The following TSHZ2 variants were observed in gnomAD, a reference collection of about 807,000 sequenced individuals.
TSHZ2 encodes teashirt zinc finger homeobox 2.
Under a neutral mutation model 74.4 loss-of-function variants are expected in TSHZ2, and 21 were observed. That is an observed-to-expected ratio of 0.28 (90% CI 0.20 to 0.41). The LOEUF is 0.41. Ranked by LOEUF, TSHZ2 falls within the 10% of genes least tolerant of loss-of-function variation. TSHZ2 has a pLI of 1.00. For synonymous variants in TSHZ2, 540 were observed against 515.3 expected (o/e 1.05, Z -0.65); for missense variants, 1,244 against 1,293.5 (o/e 0.96, Z 0.59).
chr20:53,155,158 G>A (rs979096779), intron 1 of TSHZ2, among the ~76,000 whole-genome samples: 1 of 150,504 alleles, frequency 6.6e-6, no homozygotes, highest in Admixed American at 6.7e-5. Flanking sequence ...TGCGTGGGTA[G>A]CTCACCTGTG....
chr20:53,350,977 A>G (rs1980624070), intron 2 of TSHZ2, among the ~76,000 whole-genome samples: 2 of 152,342 alleles, frequency 1.3e-5, no homozygotes, highest in South Asian at 2.1e-4. Flanking sequence ...GCATTCAGGG[A>G]ACAAAGCTTT....
At chr20:53,481,052 A>G (rs1398509145) in intron 2 of TSHZ2, among the ~76,000 whole-genome samples, 1 of 149,794 alleles carries the variant, frequency 6.7e-6, no homozygotes, top group Admixed American at 6.7e-5. Context: ...AGAAAAAAAA[A>G]TGCAGCAGCA....
intron 1 of TSHZ2, chr20:53,196,304 C>G (rs1988864062): frequency 7.2e-6 from 1 of 139,678 alleles, no homozygotes; most frequent in Admixed American, 8.0e-5. Flanking sequence ...AATAATTGTA[C>G]ATTTCTGCAA....
chr20:53,347,957 C>T (rs895598520), intron 2 of TSHZ2, among the ~76,000 whole-genome samples: 1 of 152,110 alleles, frequency 6.6e-6, no homozygotes, highest in Non-Finnish European at 1.5e-5. Flanking sequence ...AACTCCCATA[C>T]CCGTAACGTG....
rs1441510323 is a variant in TSHZ2, at chr20:53,273,870, G to A, written c.*8+17299G>A. Among the ~76,000 whole-genome samples, 9 of 152,276 alleles carry A rather than the reference G, an allele frequency of 5.9e-5. 1 individual carries two copies. In the South Asian group the frequency reaches 8.3e-4, roughly 14 times the overall value. ...TCTCAGCTTCACACTGTGGGGCCCC[G>A]GGTGGGCTCTAGAGGACCAGGATAC... On this transcript the variant is annotated intron_variant, in intron 2 of 2. Coordinates refer to ENST00000371497, the MANE Select transcript of TSHZ2 (RefSeq NM_173485.6).
chr20:53,081,643 T>A (rs1039046887), intron 1 of TSHZ2, among the ~76,000 whole-genome samples: 1 of 152,216 alleles, frequency 6.6e-6, no homozygotes, highest in African/African-American at 2.4e-5. Context: ...TTTATTAAGG[T>A]AAAATACTTA....
intron 1 of TSHZ2, among the ~76,000 whole-genome samples, chr20:53,151,594 C>T (rs531835681): frequency 6.6e-6 from 1 of 152,144 alleles, no homozygotes; most frequent in East Asian, 1.9e-4. Context: ...ATTAGGATTA[C>T]TAAATGAGAT....
Position 53,490,995 on chromosome 20 carries a change from G to A in TSHZ2, c.*3860G>A, listed in dbSNP as rs1986431419. On this transcript the variant is annotated 3_prime_UTR_variant, in exon 3 of 3. Coordinates refer to ENST00000371497, the MANE Select transcript of TSHZ2 (RefSeq NM_173485.6). Reference sequence around the variant, plus strand: ...CCATCTGTCACTTCTCAGGTTATTTGACTGTGTTCAAACCTTCTTTTCTTT... The same window carrying A: ...CCATCTGTCACTTCTCAGGTTATTTAACTGTGTTCAAACCTTCTTTTCTTT... 6.6e-6 allele frequency: 1 copy of A among 151,140 alleles called. No homozygotes were observed. The highest frequency in any genetic ancestry group is 2.1e-4 in the South Asian group (1 of 4,810). 9.4% of individuals were successfully genotyped at this position (151,140 alleles called of 1,614,324 possible).
chr20:53,278,062 G>C (rs566317869), intron 2 of TSHZ2, among the ~76,000 whole-genome samples: 4 of 152,126 alleles, frequency 2.6e-5, no homozygotes, highest in Non-Finnish European at 4.4e-5. Flanking sequence ...ACAATGAGAA[G>C]AGCTACCATT....
At chr20:53,063,663 T>G (rs988675) in intron 1 of TSHZ2, among the ~76,000 whole-genome samples, 113,930 of 152,188 alleles carry the variant, frequency 0.75, 43,573 homozygotes, top group East Asian at 0.97. Flanking sequence ...GTGTGTTTGC[T>G]TGCATGCATA....
In TSHZ2 at chr20:53,029,502, C is replaced by A. The variant is rs1353739560; in HGVS notation, c.40+56169C>A. Reference sequence around the variant, plus strand: ...ACCAGCATGGCCAACATGGTGAAACCCCGTCTCAACTAAAAATACAACAAT... The same window carrying A: ...ACCAGCATGGCCAACATGGTGAAACACCGTCTCAACTAAAAATACAACAAT... On this transcript the variant is annotated intron_variant, in intron 1 of 2. Transcript: ENST00000371497. 2.6e-5 allele frequency among the ~76,000 whole-genome samples: 4 copies of A among 152,262 alleles called. No homozygotes were observed. The South Asian group carries it at 6.2e-4, about 24-fold the overall frequency.
intron 1 of TSHZ2, among the ~76,000 whole-genome samples, chr20:53,046,906 G>T (rs1489384829): frequency 6.6e-6 from 1 of 152,202 alleles, no homozygotes; most frequent in African/African-American, 2.4e-5. Context: ...GTTATGAACA[G>T]GGTAACTTCA....
chr20:53,459,191 T>G (rs1455091356), intron 2 of TSHZ2, among the ~76,000 whole-genome samples: 3 of 152,200 alleles, frequency 2.0e-5, no homozygotes, highest in African/African-American at 7.2e-5. Context: ...TGTGGGAGTC[T>G]AAGTCTCTTT....
intron 1 of TSHZ2, among the ~76,000 whole-genome samples, chr20:53,025,212 G>C (rs1465470925): frequency 6.6e-6 from 1 of 151,508 alleles, no homozygotes; most frequent in Admixed American, 6.6e-5. Flanking sequence ...CATCCTATTT[G>C]CTCATAGTAT....
At chr20:53,303,074 C>T (rs1221321035) in intron 2 of TSHZ2, among the ~76,000 whole-genome samples, 2 of 152,186 alleles carry the variant, frequency 1.3e-5, no homozygotes, top group Non-Finnish European at 2.9e-5. Context: ...TCAGATGTAG[C>T]GCTGCATTTT....
intron 2 of TSHZ2, among the ~76,000 whole-genome samples, chr20:53,420,458 G>A (rs986020650): frequency 3.3e-5 from 5 of 152,180 alleles, no homozygotes; most frequent in Admixed American, 1.3e-4. Context: ...GGCCAGGCGC[G>A]GTGGCTCACG....
In TSHZ2 at chr20:53,256,664, T is replaced by A; in HGVS notation, c.*8+93T>A. 3 of 1,476,676 alleles carry A rather than the reference T, an allele frequency of 2.0e-6. No homozygotes were observed. The East Asian group carries it at 6.9e-5, about 34-fold the overall frequency. 91.5% of individuals were successfully genotyped at this position (1,476,676 alleles called of 1,614,324 possible). Reference sequence around the variant, plus strand: ...CTTAGAGGCAGCTAGCATCTCCCAATGCCAAGCAGGATAGTAGCTTGCTGG... The same window carrying A: ...CTTAGAGGCAGCTAGCATCTCCCAAAGCCAAGCAGGATAGTAGCTTGCTGG... On this transcript the variant is annotated intron_variant, in intron 2 of 2. Coordinates refer to ENST00000371497, the MANE Select transcript of TSHZ2 (RefSeq NM_173485.6). This position sits in a 1 kb window ranked among gnomAD's most constrained non-coding sequence, Gnocchi z 4.3.
intron 2 of TSHZ2, among the ~76,000 whole-genome samples, chr20:53,352,382 A>T (rs1274965818): frequency 1.3e-5 from 2 of 152,020 alleles, no homozygotes; most frequent in African/African-American, 4.8e-5. Context: ...TCCAATGAGG[A>T]AATAGTCTTA....
intron 1 of TSHZ2, among the ~76,000 whole-genome samples, chr20:53,086,758 C>T (rs1722589980): frequency 6.6e-6 from 1 of 152,156 alleles, no homozygotes; most frequent in African/African-American, 2.4e-5. Flanking sequence ...GCTGAGATGG[C>T]ATGCACCATA....
Sources: allele counts gnomAD v4.1 joint callset (sites outside exome capture counted in the v4.1 genomes callset), GRCh38; gene constraint gnomAD v4.1.1; non-coding constraint Gnocchi (gnomAD v3.1); transcripts MANE v1.5; gene names NCBI Gene and HGNC (gene_info 2026-07-23, HGNC 2026-07-21).